The following ZPBP variants were observed in gnomAD, a reference collection of about 807,000 sequenced individuals.
The protein encoded by ZPBP is zona pellucida binding protein.
A neutral mutation model predicts 44.8 loss-of-function variants in ZPBP; 26 were observed. The ratio of observed to expected loss-of-function variants is 0.58; its 90% CI spans 0.43 to 0.81. The LOEUF (loss-of-function observed/expected upper bound fraction) is 0.81, where lower values mean the gene tolerates loss of function less well. Among genes scored for constraint, ZPBP ranks in the 30% least tolerant of loss-of-function variants. The pLI is 0.00. For missense variants in ZPBP, 409 were observed against 434.0 expected, an observed-to-expected ratio of 0.94 and a Z score of 0.51; for synonymous variants, 174 against 153.2, an observed-to-expected ratio of 1.14 and a Z score of -1.00.
At chr7:50,063,064 T>G (rs1213921176) in intron 3 of ZPBP, among the ~76,000 whole-genome samples, 1 of 152,188 alleles carries the variant, frequency 6.6e-6, no homozygotes. Flanking sequence ...GAGACATGCA[T>G]TACATCATTT....
At chr7:49,932,162 G>GC (rs1048331478) in intron 1 of ZPBP, among the ~76,000 whole-genome samples, 8 of 152,202 alleles carry the variant, frequency 5.3e-5, no homozygotes, top group African/African-American at 1.9e-4. Context: ...TGAGGTGGGA[G>GC]CCCCCACATG....
At chr7:49,944,663 G>T (rs977402303) in intron 7 of ZPBP, among the ~76,000 whole-genome samples, 1 of 152,036 alleles carries the variant, frequency 6.6e-6, no homozygotes, top group East Asian at 1.9e-4. Flanking sequence ...GCATATAGTT[G>T]CTCCTAGAAG....
intron 1 of ZPBP, among the ~76,000 whole-genome samples, chr7:49,908,910 C>T (rs773875006): frequency 6.6e-6 from 1 of 152,114 alleles, no homozygotes. Flanking sequence ...TTATATTCTA[C>T]AGTAAAATGC....
chr7:50,066,714 T>A (rs1408303067), intron 3 of ZPBP, among the ~76,000 whole-genome samples: 1 of 152,214 alleles, frequency 6.6e-6, no homozygotes, highest in Non-Finnish European at 1.5e-5. Flanking sequence ...GATGGTCCTC[T>A]TAGCTTCAGC....
At chr7:50,040,407 G>C (rs1800019029) in intron 4 of ZPBP, among the ~76,000 whole-genome samples, 1 of 152,210 alleles carries the variant, frequency 6.6e-6, no homozygotes, top group Non-Finnish European at 1.5e-5. Context: ...CCGGTCTGCA[G>C]TTCCCAGCGA....
intron 2 of ZPBP, among the ~76,000 whole-genome samples, chr7:49,857,209 A>G (rs992050034): frequency 6.6e-6 from 1 of 152,046 alleles, no homozygotes; most frequent in Non-Finnish European, 1.5e-5. Flanking sequence ...ACCCCTGGCA[A>G]CCACCATTCT....
chr7:49,877,481 A>AAAAATATACATATATAT lies in ZPBP; in HGVS notation n.509+23636_509+23637insATATATATGTATATTTT. ...CTGTCTCAAAAAAAAAAAAAAAAAAAATATATATATATATATATATATATA... is the reference window on the plus strand; with the variant it reads ...CTGTCTCAAAAAAAAAAAAAAAAAAAAAAATATACATATATATATATATATATATATATATATATATA... On this transcript the variant is annotated intron_variant and non_coding_transcript_variant, in intron 2 of 2. Coordinates refer to the ZPBP transcript ENST00000465922. 1.0e-3 allele frequency among the ~76,000 whole-genome samples: 13 copies of AAAAATATACATATATAT among 12,730 alleles called. 2 individuals are homozygous for AAAAATATACATATATAT. Among genetic ancestry groups the AAAAATATACATATATAT allele is most frequent in the Middle Eastern group, 0.05 (1 of 20 alleles). The allele number at this position is 12,730 out of a possible 152,430, so 8.4% of individuals were successfully genotyped here. A position where few individuals can be genotyped will look rare whatever the true frequency, so the allele number is the denominator to read the frequency against.
intron 2 of ZPBP, among the ~76,000 whole-genome samples, chr7:49,895,915 T>C (rs1177241537): frequency 6.6e-6 from 1 of 152,220 alleles, no homozygotes; most frequent in Non-Finnish European, 1.5e-5. Context: ...TGTATATATG[T>C]ATAAATTTTA....
At chr7:50,009,555 G>A (rs751783865) in intron 6 of ZPBP, among the ~76,000 whole-genome samples, 14 of 151,828 alleles carry the variant, frequency 9.2e-5, no homozygotes, top group Admixed American at 3.3e-4. Flanking sequence ...CTCTAGGGCT[G>A]GTGGGTATTA....
At chr7:49,890,069 AT>A (rs11286064) in intron 2 of ZPBP, among the ~76,000 whole-genome samples, 117,035 of 152,070 alleles carry the variant, frequency 0.77, 45,245 homozygotes, top group East Asian at 0.88. Flanking sequence ...TAGTTTGAGC[AT>A]TTCAAAGCCT....
chr7:49,905,513 T>A (rs150202534), intron 1 of ZPBP, among the ~76,000 whole-genome samples: 68 of 152,392 alleles, frequency 4.5e-4, no homozygotes, highest in African/African-American at 1.4e-3. Context: ...TATATTTTAA[T>A]GTGAGGTAAA....
Position 50,081,917 on chromosome 7 carries a change from A to T in ZPBP, c.209-18T>A. 6.2e-7 allele frequency: 1 copy of T among 1,608,730 alleles called. No individual in the cohort carries two copies. The highest frequency in any genetic ancestry group is 1.1e-5 in the South Asian group (1 of 90,940). On this transcript the variant is annotated intron_variant, in intron 2 of 7. Coordinates refer to ENST00000046087, the MANE Select transcript of ZPBP (RefSeq NM_007009.3). ...CGCTTTCACTGAAAATACAATATTT[A>T]AAATGTTCCAATAGTATTTTATCTT...
At chr7:49,885,287 AGGTAATTTCT>A (rs1340048762) in intron 2 of ZPBP, among the ~76,000 whole-genome samples, 4 of 152,174 alleles carry the variant, frequency 2.6e-5, no homozygotes, top group Non-Finnish European at 4.4e-5. Flanking sequence ...ATAAAATGAG[AGGTAATTTCT>A]CAACAAATTT....
chr7:49,943,571 GGTCA>G, intron 7 of ZPBP: 1 of 376,880 alleles, frequency 2.7e-6, no homozygotes, highest in Non-Finnish European at 5.2e-6. Context: ...TTGCGAAAGG[GGTCA>G]GTAAGACTTG....
chr7:49,963,849 G>A (rs1459492560), intron 7 of ZPBP, among the ~76,000 whole-genome samples: 1 of 151,598 alleles, frequency 6.6e-6, no homozygotes. Flanking sequence ...GAATACAGAA[G>A]AGGAAGGAAT....
intron 1 of ZPBP, among the ~76,000 whole-genome samples, chr7:49,930,272 ATT>A (rs1475435161): frequency 6.6e-6 from 1 of 152,162 alleles, no homozygotes; most frequent in Admixed American, 6.5e-5. Context: ...ACAAAACCAA[ATT>A]GTAACTGACA....
At chr7:49,882,917 C>T (rs929421605) in intron 2 of ZPBP, among the ~76,000 whole-genome samples, 11 of 151,898 alleles carry the variant, frequency 7.2e-5, no homozygotes, top group African/African-American at 2.7e-4. Context: ...ATCTTAAACT[C>T]TTCTGGAGAA....
intron 2 of ZPBP, among the ~76,000 whole-genome samples, chr7:49,889,826 T>A (rs1792055572): frequency 6.6e-6 from 1 of 152,158 alleles, no homozygotes; most frequent in African/African-American, 2.4e-5. Context: ...CGATAACAAA[T>A]AGGTGCCCCA....
intron 3 of ZPBP, among the ~76,000 whole-genome samples, chr7:50,076,121 T>C (rs1280058641): frequency 6.6e-6 from 1 of 151,862 alleles, no homozygotes; most frequent in Non-Finnish European, 1.5e-5. Flanking sequence ...ATCAGCGTGA[T>C]ATATCATGTT....
Sources: gnomAD v4.1 joint callset for allele counts (sites outside exome capture counted in the v4.1 genomes callset) on GRCh38, gnomAD v4.1.1 for gene constraint, MANE v1.5 for transcripts, NCBI Gene and HGNC (gene_info 2026-07-23, HGNC 2026-07-21) for gene names.